The following DYNC1I1 variants were observed in gnomAD, a reference collection of about 807,000 sequenced individuals.
DYNC1I1 encodes cytoplasmic dynein 1 intermediate chain 1.
A neutral mutation model predicts 86.6 loss-of-function variants in DYNC1I1; 43 were observed. That is an observed-to-expected ratio of 0.50 (90% CI 0.39 to 0.64). DYNC1I1 has a LOEUF of 0.64. Ranked by LOEUF, DYNC1I1 falls within the 30% of genes least tolerant of loss-of-function variation. The pLI, the probability that DYNC1I1 is intolerant of heterozygous loss-of-function variation, is 0.00. For missense variants in DYNC1I1, 604 were observed against 788.8 expected, an observed-to-expected ratio of 0.77 and a Z score of 2.81; for synonymous variants, 262 against 283.7, an observed-to-expected ratio of 0.92 and a Z score of 0.77.
intron 13 of DYNC1I1, among the ~76,000 whole-genome samples, chr7:96,036,383 G>T (rs1794927271): frequency 6.6e-6 from 1 of 152,166 alleles, no homozygotes; most frequent in Admixed American, 6.5e-5. Flanking sequence ...TTCTAGTTGA[G>T]GGTAAAATAC....
chr7:95,846,857 A>T (rs1375299342), intron 5 of DYNC1I1, among the ~76,000 whole-genome samples: 1 of 152,202 alleles, frequency 6.6e-6, no homozygotes, highest in South Asian at 2.1e-4. Context: ...TGTCTGTCAT[A>T]TTACATGAGT....
chr7:96,095,398 C>T (rs1486396390), intron 16 of DYNC1I1, among the ~76,000 whole-genome samples: 1 of 152,076 alleles, frequency 6.6e-6, no homozygotes, highest in African/African-American at 2.4e-5. Flanking sequence ...CTATCAATAA[C>T]ATATTGCATA....
At chr7:95,897,445 G>GT (rs1233070717) in intron 6 of DYNC1I1, among the ~76,000 whole-genome samples, 2 of 147,754 alleles carry the variant, frequency 1.4e-5, no homozygotes, top group African/African-American at 2.5e-5. Flanking sequence ...TATTGACCAT[G>GT]ATTTTTTTTT....
chr7:95,808,978 A>C (rs1478303362), intron 2 of DYNC1I1, among the ~76,000 whole-genome samples: 1 of 152,120 alleles, frequency 6.6e-6, no homozygotes, highest in Non-Finnish European at 1.5e-5. Context: ...AGTAGTTTAA[A>C]TGTTAAAATT....
At chr7:95,804,305 A>G (rs2115794457) in intron 1 of DYNC1I1, 2 of 1,196,024 alleles carry the variant, frequency 1.7e-6, no homozygotes, top group African/African-American at 1.6e-5. Flanking sequence ...GGTTTATGAC[A>G]GGCTGTTTTC....
intron 4 of DYNC1I1, among the ~76,000 whole-genome samples, chr7:95,825,916 A>AGATTTACT (rs1327539955): frequency 5.3e-5 from 8 of 152,348 alleles, no homozygotes; most frequent in African/African-American, 1.9e-4. Flanking sequence ...GCCCCACTCC[A>AGATTTACT]GATTTACTGA....
chr7:95,844,213 T>G (rs1360213724), intron 5 of DYNC1I1, among the ~76,000 whole-genome samples: 1 of 152,196 alleles, frequency 6.6e-6, no homozygotes, highest in East Asian at 1.9e-4. Context: ...ATAGAATATT[T>G]ATTGGCTTCA....
intron 6 of DYNC1I1, among the ~76,000 whole-genome samples, chr7:95,914,658 A>G (rs905525037): frequency 2.0e-5 from 3 of 152,264 alleles, no homozygotes; most frequent in African/African-American, 7.2e-5. Flanking sequence ...TCAAAATGAA[A>G]CTACCTAATA....
Position 96,098,199 on chromosome 7 carries a change from G to A in DYNC1I1, c.*606G>A, listed in dbSNP as rs1791072216. The A allele has an allele frequency of 1.0e-6, 1 of 985,836 alleles. No individual in the cohort carries two copies. Among genetic ancestry groups the A allele is most frequent in the Non-Finnish European group, 1.2e-6 (1 of 829,936 alleles). 61.1% of individuals were successfully genotyped at this position (985,836 alleles called of 1,614,324 possible). Reference sequence around the variant, plus strand: ...TCTGCTGCTGTTGAGGTTATATTAAGTTCCACATAGCAATTACAGTATGCC... The same window carrying A: ...TCTGCTGCTGTTGAGGTTATATTAAATTCCACATAGCAATTACAGTATGCC... On this transcript the variant is annotated 3_prime_UTR_variant, in exon 17 of 17. Coordinates refer to ENST00000447467, the MANE Select transcript of DYNC1I1 (RefSeq NM_001135556.2).
chr7:95,965,175 G>T (rs1302864570), intron 6 of DYNC1I1, among the ~76,000 whole-genome samples: 1 of 152,228 alleles, frequency 6.6e-6, no homozygotes, highest in African/African-American at 2.4e-5. Context: ...CAAGGAAAAA[G>T]AAGCTGGAGT....
intron 6 of DYNC1I1, among the ~76,000 whole-genome samples, chr7:95,939,989 C>T (rs1271345320): frequency 1.3e-5 from 2 of 152,024 alleles, no homozygotes; most frequent in South Asian, 2.1e-4. Flanking sequence ...TTAGGGCAGG[C>T]CTGGTGGTGA....
intron 7 of DYNC1I1, among the ~76,000 whole-genome samples, chr7:95,979,946 A>G (rs1259576991): frequency 6.6e-6 from 1 of 152,186 alleles, no homozygotes; most frequent in Non-Finnish European, 1.5e-5. Context: ...GATCTATTAA[A>G]GTACTCCTTT....
chr7:95,952,660 G>A (rs1404652290), intron 6 of DYNC1I1, among the ~76,000 whole-genome samples: 5 of 152,202 alleles, frequency 3.3e-5, no homozygotes, highest in East Asian at 1.9e-4. Flanking sequence ...TGAAGTGAGC[G>A]CTATGTTATT....
intron 1 of DYNC1I1, 106 bp from the exon 2 acceptor site, chr7:95,804,615 C>T: frequency 8.0e-7 from 1 of 1,243,684 alleles, no homozygotes. Context: ...TGTTGATCAT[C>T]CAAAAGTCAC....
chr7:95,826,812 A>G (rs1795212327), intron 4 of DYNC1I1, among the ~76,000 whole-genome samples: 1 of 152,200 alleles, frequency 6.6e-6, no homozygotes, highest in South Asian at 2.1e-4. Flanking sequence ...GTCATGAGCC[A>G]TGCAGATGTT....
chr7:95,838,149 G>T (rs1224335794), intron 5 of DYNC1I1, among the ~76,000 whole-genome samples: 3 of 152,084 alleles, frequency 2.0e-5, no homozygotes, highest in Non-Finnish European at 2.9e-5. Context: ...TTTCTTTTAG[G>T]AGTTGTATAG....
chr7:96,108,785 C>G (rs1791259913), intron 16 of DYNC1I1, among the ~76,000 whole-genome samples: 1 of 149,056 alleles, frequency 6.7e-6, no homozygotes, highest in Non-Finnish European at 1.5e-5. Context: ...TGCTTGAACC[C>G]AAGAAGCAGA....
In DYNC1I1 at chr7:96,032,770, C is replaced by G; in HGVS notation, c.1220C>G (p.Ser407Ter). 1 of 1,613,018 alleles carries G rather than the reference C, an allele frequency of 6.2e-7. No individual in the cohort carries two copies. The highest frequency in any genetic ancestry group is 8.5e-7 in the Non-Finnish European group (1 of 1,179,398). The change falls in exon 12 of 17, where the codon TCA (serine) becomes TGA (stop). Residue 407 changes from serine (S) to a stop codon, truncating the protein, a stop_gained. Coordinates refer to ENST00000447467, the MANE Select transcript of DYNC1I1 (RefSeq NM_001135556.2). LOFTEE classifies it high-confidence loss of function. ...TGTTCCTGGAGCCTGGACATGCTCT[C>G]AACTCCACAGGTGGGTTTGTTTTTC... ...KMCSWSLDMLSTPQESMELVY... is the reference protein window; with the variant it reads ...KMCSWSLDML
At chr7:95,928,092 A>G (rs1791793156) in intron 6 of DYNC1I1, among the ~76,000 whole-genome samples, 1 of 152,216 alleles carries the variant, frequency 6.6e-6, no homozygotes, top group African/African-American at 2.4e-5. Context: ...AGCCAGGGCA[A>G]ATAAAATGGA....
Sources: allele counts gnomAD v4.1 joint callset (sites outside exome capture counted in the v4.1 genomes callset), GRCh38; gene constraint gnomAD v4.1.1; transcripts MANE v1.5; gene names NCBI Gene and HGNC (gene_info 2026-07-23, HGNC 2026-07-21).